OSBPL3: variants seen among roughly 807,000 people sequenced by gnomAD.
The protein encoded by OSBPL3 is oxysterol binding protein like 3, also known as oxysterol-binding protein-related protein 3.
A neutral mutation model predicts 120.1 loss-of-function variants in OSBPL3; 65 were observed. The observed-to-expected ratio is 0.54, with a 90% CI of 0.44 to 0.67. The LOEUF (loss-of-function observed/expected upper bound fraction) is 0.67. Among genes scored for constraint, OSBPL3 ranks in the 30% least tolerant of loss-of-function variants. The probability of loss-of-function intolerance (pLI) is 0.00; values close to 1 mark genes in which losing one functional copy is unlikely to be tolerated. For missense variants in OSBPL3, 1,004 were observed against 1,082.1 expected (o/e 0.93, Z 1.01); for synonymous variants, 416 against 402.6 (o/e 1.03, Z -0.40).
At chr7:24,951,422 C>T (rs750886601) in intron 1 of OSBPL3, among the ~76,000 whole-genome samples, 11 of 151,972 alleles carry the variant, frequency 7.2e-5, no homozygotes, top group Admixed American at 3.3e-4. Flanking sequence ...AAAAGGTGAA[C>T]CGAAAAATAA....
chr7:24,813,595 T>G lies in OSBPL3; in HGVS notation c.2172+1464A>C, dbSNP rs747485566. On this transcript the variant is annotated intron_variant, in intron 19 of 22. Transcript: ENST00000313367. This position sits in a 1 kb window ranked among gnomAD's most constrained non-coding sequence, Gnocchi z 4.5. ...ATGTAAGGTCATTATGGGCTTTATG[T>G]CTGTCTATAATCCAGTTTGAGGCTA... Among the ~76,000 whole-genome samples the G allele has an allele frequency of 1.6e-4, 24 of 152,182 alleles. No homozygotes were observed. Among genetic ancestry groups the G allele is most frequent in the Non-Finnish European group, 2.8e-4 (19 of 68,040 alleles).
At chr7:24,836,400 T>C (rs1188318887) in intron 14 of OSBPL3, among the ~76,000 whole-genome samples, 1 of 152,246 alleles carries the variant, frequency 6.6e-6, no homozygotes, top group African/African-American at 2.4e-5. Context: ...TGAGCACTTC[T>C]TCTTTGCTGA....
rs1792816611 is a variant in OSBPL3 at position 24,804,738 on chromosome 7, T to TTA, written c.2445-303_2445-302dup. Among the ~76,000 whole-genome samples the TTA allele has an allele frequency of 6.6e-6, 1 of 152,230 alleles. No individual in the cohort carries two copies. Among genetic ancestry groups the TTA allele is most frequent in the African/African-American group, 2.4e-5 (1 of 41,460 alleles). ...CTCCCACCCTAGAAAACCCACTTTA[T>TTA]TAGTTTCCTCTGCATCCTTCTAGAG... is the stretch of plus-strand genomic sequence containing the variant. On this transcript the variant is annotated intron_variant, in intron 21 of 22. Coordinates refer to ENST00000313367, the MANE Select transcript of OSBPL3 (RefSeq NM_015550.4). This position sits in a 1 kb window ranked among gnomAD's most constrained non-coding sequence, Gnocchi z 5.4.
Position 24,877,932 on chromosome 7 carries a change from A to G in OSBPL3, c.97-5863T>C, listed in dbSNP as rs1362404695. Among the ~76,000 whole-genome samples, 1 of 152,152 alleles carries G rather than the reference A, an allele frequency of 6.6e-6. No homozygotes were observed. Among genetic ancestry groups the G allele is most frequent in the African/African-American group, 2.4e-5 (1 of 41,426 alleles). On this transcript the variant is annotated intron_variant, in intron 2 of 22. Transcript: ENST00000313367. This position sits in a 1 kb window ranked among gnomAD's most constrained non-coding sequence, Gnocchi z 4.8. ...GGTGTCAAGCTTAAAGGTCACCATGAATACCAGGTGGAGAGAGAAACATGG... is the reference window on the plus strand; with the variant it reads ...GGTGTCAAGCTTAAAGGTCACCATGGATACCAGGTGGAGAGAGAAACATGG...
chr7:24,872,039 C>G lies in OSBPL3; in HGVS notation c.127G>C (p.Gly43Arg). Residue 43 changes from glycine (G) to arginine (R), a missense_variant, in exon 3 of 23, where the codon GGG becomes CGG. Around this residue, in one of 4 missense-constraint regions of OSBPL3, gnomAD observed 255 missense variants for 248.7 expected, o/e 1.03. Transcript: ENST00000313367. The surrounding 1 kb of genome is among the most constrained non-coding windows in gnomAD (Gnocchi z 4.1). ...DSWEVVEGLR[G>R]EMNYTQEPPV... is the part of the protein sequence containing the mutation. Reference sequence around the variant, plus strand: ...GGCTCCTGGGTGTAATTCATCTCCCCCCTCAGTCCTTCCACCACTTCCCAG... The same window carrying G: ...GGCTCCTGGGTGTAATTCATCTCCCGCCTCAGTCCTTCCACCACTTCCCAG... 2 of 1,613,628 alleles carry G rather than the reference C, an allele frequency of 1.2e-6. No individual in the cohort carries two copies. Among genetic ancestry groups the G allele is most frequent in the Non-Finnish European group, 8.5e-7 (1 of 1,179,610 alleles).
In OSBPL3 at chr7:24,815,228, T is replaced by A; in HGVS notation, c.2028-25A>T. ...ACTAAAAAGAAGGAAAAAGTAGAAGTACCAATTTCTAGAAGAGCCAGCAGC... is the reference window on the plus strand; with the variant it reads ...ACTAAAAAGAAGGAAAAAGTAGAAGAACCAATTTCTAGAAGAGCCAGCAGC... On this transcript the variant is annotated intron_variant, in intron 18 of 22. Transcript: ENST00000313367. The surrounding 1 kb of genome is among the most constrained non-coding windows in gnomAD (Gnocchi z 5.1). The A allele has an allele frequency of 6.2e-7, 1 of 1,601,696 alleles. No individual in the cohort carries two copies.
chr7:24,889,394 T>G (rs1412377057), intron 2 of OSBPL3, among the ~76,000 whole-genome samples: 1 of 152,214 alleles, frequency 6.6e-6, no homozygotes, highest in Admixed American at 6.5e-5. Context: ...TAGTTCATAA[T>G]ACTGCATTAT....
At position 24,842,328 on chromosome 7, in the gene OSBPL3, A is replaced by G; in HGVS notation, c.1352T>C (p.Phe451Ser). 6.2e-7 allele frequency: 1 copy of G among 1,613,794 alleles called. No homozygotes were observed. Among genetic ancestry groups the G allele is most frequent in the East Asian group, 2.2e-5 (1 of 44,860 alleles). Residue 451 changes from phenylalanine (F) to serine (S), a missense_variant, in exon 13 of 23, where the codon TTT becomes TCT. Coordinates refer to ENST00000313367, the MANE Select transcript of OSBPL3 (RefSeq NM_015550.4). ...RLSITDSLSE[F>S]FDAQEVLLSP... ...TAACAGAACTTCCTGAGCATCAAAA[A>G]ACTCAGAAAGGGAGTCAGTGATGGA...
At chr7:24,888,329 G>A (rs921031608) in intron 2 of OSBPL3, among the ~76,000 whole-genome samples, 6 of 152,172 alleles carry the variant, frequency 3.9e-5, no homozygotes, top group African/African-American at 1.4e-4. Context: ...ACAATGCTAT[G>A]AGAAAAGAAC....
In OSBPL3 at chr7:24,904,154, A is replaced by T. The variant is rs148903883; in HGVS notation, c.-149-11533T>A. 7.0e-3 allele frequency among the ~76,000 whole-genome samples: 1,073 copies of T among 152,258 alleles called. 10 individuals are homozygous for T. The highest frequency in any genetic ancestry group is 0.024 in the African/African-American group (1,007 of 41,526). Reference sequence around the variant, plus strand: ...CACCTCAGCCTCCCAGAGTGCTGGGATTACAGGTGTGAGTCACTGCACCTG... The same window carrying T: ...CACCTCAGCCTCCCAGAGTGCTGGGTTTACAGGTGTGAGTCACTGCACCTG... On this transcript the variant is annotated intron_variant, in intron 1 of 22. Coordinates refer to ENST00000313367, the MANE Select transcript of OSBPL3 (RefSeq NM_015550.4).
intron 7 of OSBPL3, among the ~76,000 whole-genome samples, chr7:24,864,799 T>C (rs192950595): frequency 1.9e-3 from 292 of 152,350 alleles, no homozygotes; most frequent in African/African-American, 6.3e-3. Flanking sequence ...AGTTTCCTTA[T>C]GGCAGGCGCC....
chr7:24,943,091 G>A (rs1420604065), intron 1 of OSBPL3, among the ~76,000 whole-genome samples: 1 of 152,178 alleles, frequency 6.6e-6, no homozygotes, highest in East Asian at 1.9e-4. Flanking sequence ...CAGGTAAAAT[G>A]GAACATCAGA....
At chr7:24,844,063 C>T (rs993806192) in intron 12 of OSBPL3, among the ~76,000 whole-genome samples, 1 of 152,222 alleles carries the variant, frequency 6.6e-6, no homozygotes, top group Non-Finnish European at 1.5e-5. Flanking sequence ...ATTCCTAGCC[C>T]CTAGCCCTTT....
In OSBPL3 at chr7:24,871,750, G is replaced by T. The variant is rs1802145801; in HGVS notation, c.259C>A (p.Gln87Lys). Residue 87 changes from glutamine (Q) to lysine (K), a missense_variant, in exon 4 of 23, where the codon CAA (glutamine) becomes AAA (lysine). Physicochemically the swap from Gln to Lys is moderately conservative, Grantham distance 53 (BLOSUM62 1). Transcript: ENST00000313367. This position sits in a 1 kb window ranked among gnomAD's most constrained non-coding sequence, Gnocchi z 4.8. ...CCCACAAAAAGACTTACATCGGTTT[G>T]GCTCTTGGCATATTTCAAGATTCCT... ...DKGILKYAKS[Q>K]TDIEREKLHG... is the part of the protein sequence containing the mutation. The T allele has an allele frequency of 6.2e-7, 1 of 1,612,640 alleles. No individual in the cohort carries two copies. The highest frequency in any genetic ancestry group is 8.5e-7 in the Non-Finnish European group (1 of 1,178,722).
intron 1 of OSBPL3, among the ~76,000 whole-genome samples, chr7:24,962,973 T>C (rs1815958518): frequency 6.6e-6 from 1 of 152,216 alleles, no homozygotes; most frequent in African/African-American, 2.4e-5. Flanking sequence ...ATTTTTGAAA[T>C]GTAACATTCT....
At position 24,824,307 on chromosome 7, in the gene OSBPL3, T is replaced by C. The variant is rs1406390691; in HGVS notation, c.1885-4069A>G. Among the ~76,000 whole-genome samples, 1 of 152,234 alleles carries C rather than the reference T, an allele frequency of 6.6e-6. No homozygotes were observed. Among genetic ancestry groups the C allele is most frequent in the Non-Finnish European group, 1.5e-5 (1 of 68,030 alleles). ...GAGGCCTTTCTTTACCTTGACCTAA[T>C]CATTTTTAATTTATGCTTTGAATGC... On this transcript the variant is annotated intron_variant, in intron 16 of 22. Coordinates refer to ENST00000313367, the MANE Select transcript of OSBPL3 (RefSeq NM_015550.4). This position sits in a 1 kb window ranked among gnomAD's most constrained non-coding sequence, Gnocchi z 4.9.
In OSBPL3 at chr7:24,953,074, T is replaced by C. The variant is rs947446533; in HGVS notation, c.-150+26812A>G. Among the ~76,000 whole-genome samples the C allele has an allele frequency of 1.3e-5, 2 of 152,156 alleles. No homozygotes were observed. The highest frequency in any genetic ancestry group is 2.9e-5 in the Non-Finnish European group (2 of 68,024). ...GTCACTTGAGCCTAGGATTTCAAGG[T>C]TGCAGTGAGCCATGATCACACCACT... On this transcript the variant is annotated intron_variant, in intron 1 of 22. Coordinates refer to ENST00000313367, the MANE Select transcript of OSBPL3 (RefSeq NM_015550.4). The surrounding 1 kb of genome is among the most constrained non-coding windows in gnomAD (Gnocchi z 4.3).
intron 1 of OSBPL3, among the ~76,000 whole-genome samples, chr7:24,970,027 T>C (rs887155401): frequency 1.3e-5 from 2 of 151,894 alleles, no homozygotes; most frequent in Non-Finnish European, 1.5e-5. Context: ...ACTCTTAAAA[T>C]GTCATGCCTT....
At position 24,932,720 on chromosome 7, in the gene OSBPL3, G is replaced by A. The variant is rs1811938829; in HGVS notation, c.-149-40099C>T. 6.6e-6 allele frequency among the ~76,000 whole-genome samples: 1 copy of A among 152,188 alleles called. No individual in the cohort carries two copies. The highest frequency in any genetic ancestry group is 1.5e-5 in the Non-Finnish European group (1 of 68,022). ...TTTCCAGCCTCCAGAACTACGAGAA[G>A]TAAATTTCTGATGTTTATAAGCCAC... On this transcript the variant is annotated intron_variant, in intron 1 of 22. Transcript: ENST00000313367. This position sits in a 1 kb window ranked among gnomAD's most constrained non-coding sequence, Gnocchi z 5.6.
Sources: allele counts gnomAD v4.1 joint callset (sites outside exome capture counted in the v4.1 genomes callset), GRCh38; gene constraint gnomAD v4.1.1; regional missense constraint gnomAD v4.1.1; non-coding constraint Gnocchi (gnomAD v3.1); transcripts MANE v1.5; gene names NCBI Gene and HGNC (gene_info 2026-07-23, HGNC 2026-07-21).